Variants in ZNF251 observed in about 807,000 individuals in gnomAD.
The protein encoded by ZNF251 is zinc finger protein 251.
A neutral mutation model predicts 13.5 loss-of-function variants in ZNF251; 14 were observed. That is an observed-to-expected ratio of 1.04 (90% CI 0.69 to 1.63). The LOEUF is 1.63. ZNF251 is among the 40% of genes most tolerant of loss of function. The pLI is 0.00. For missense variants in ZNF251, 764 were observed against 834.9 expected (o/e 0.92, Z 1.05); for synonymous variants, 287 against 295.2 (o/e 0.97, Z 0.28).
At chr8:144,742,766 T>C (rs545438144) in intron 4 of ZNF251, among the ~76,000 whole-genome samples, 4 of 152,296 alleles carry the variant, frequency 2.6e-5, no homozygotes, top group African/African-American at 9.6e-5. Context: ...TCATACAGTA[T>C]AGGTGTCCGT....
At chr8:144,730,135 A>G in intron 4 of ZNF251, 1 of 985,170 alleles carries the variant, frequency 1.0e-6, no homozygotes, top group Non-Finnish European at 1.2e-6. Flanking sequence ...AAGAGAACTC[A>G]GGAACCAAAC....
In ZNF251 at chr8:144,754,191, C is replaced by T. The variant is rs1166611976; in HGVS notation, c.163+1G>A. 1.2e-6 allele frequency: 2 copies of T among 1,612,422 alleles called. No homozygotes were observed. Among genetic ancestry groups the T allele is most frequent in the Admixed American group, 3.3e-5 (2 of 59,890 alleles). On this transcript the variant is annotated splice_donor_variant, in intron 3 of 4. Transcript: ENST00000292562. LOFTEE classifies it high-confidence loss of function. The stretch of plus-strand genomic sequence containing the variant: ...ACCAGGCCAAGTGCAGAGAGCCTCA[C>T]CCAGAGAGGCCACGTTCCCATAGTT...
chr8:144,737,092 C>G (rs375666592), intron 4 of ZNF251, among the ~76,000 whole-genome samples: 4 of 151,898 alleles, frequency 2.6e-5, no homozygotes, highest in Non-Finnish European at 4.4e-5. Flanking sequence ...GCGTGAGCCA[C>G]GGCACCCGGC....
intron 4 of ZNF251, among the ~76,000 whole-genome samples, chr8:144,725,650 G>T (rs1312839615): frequency 6.6e-6 from 1 of 152,002 alleles, no homozygotes; most frequent in Middle Eastern, 3.2e-3. Context: ...TTTCATTTCG[G>T]TTATTTGTTC....
At chr8:144,738,676 T>G in intron 4 of ZNF251, 1 of 985,396 alleles carries the variant, frequency 1.0e-6, no homozygotes, top group Non-Finnish European at 1.2e-6. Context: ...ACAGCACAGT[T>G]CTCTCGTTCA....
At chr8:144,728,586 C>T (rs1823589587) in intron 4 of ZNF251, among the ~76,000 whole-genome samples, 1 of 149,766 alleles carries the variant, frequency 6.7e-6, no homozygotes, top group Admixed American at 6.7e-5. Flanking sequence ...TAGCATGAAC[C>T]CGGGAGGCGG....
intron 4 of ZNF251, among the ~76,000 whole-genome samples, chr8:144,740,081 T>C (rs943820496): frequency 4.7e-4 from 71 of 150,826 alleles, no homozygotes; most frequent in African/African-American, 1.6e-3. Context: ...AGGTCCGGAG[T>C]TCGAGACCAG....
chr8:144,735,672 C>T (rs1157810822), intron 4 of ZNF251, among the ~76,000 whole-genome samples: 2 of 152,134 alleles, frequency 1.3e-5, no homozygotes, highest in East Asian at 1.9e-4. Context: ...CAAGGTGTGG[C>T]CCAGACTCAA....
rs1824817147 is a variant in ZNF251 at position 144,753,783 on chromosome 8, A to C, written c.177T>G (p.Pro59=). The change falls in exon 4 of 5, where the codon CCT becomes CCG. Residue 59 remains proline (P), a synonymous_variant. Coordinates refer to ENST00000292562, the MANE Select transcript of ZNF251 (RefSeq NM_138367.2). ...GNVASLGFPV[P]KPELISQLEQ... The stretch of plus-strand genomic sequence containing the variant: ...CCAGCTGGGAGATCAACTCCGGCTT[A>C]GGGACAGGGAATCCTGTTGAGGATG... The C allele has an allele frequency of 6.3e-7, 1 of 1,579,520 alleles. No individual in the cohort carries two copies. Among genetic ancestry groups the C allele is most frequent in the Admixed American group, 1.8e-5 (1 of 55,138 alleles).
chr8:144,731,257 A>C (rs550117089), intron 4 of ZNF251, among the ~76,000 whole-genome samples: 2 of 152,280 alleles, frequency 1.3e-5, no homozygotes, highest in African/African-American at 4.8e-5. Flanking sequence ...AATGACCACA[A>C]ACAGTGGCTA....
chr8:144,737,544 C>T (rs947388499), intron 4 of ZNF251, among the ~76,000 whole-genome samples: 5 of 150,900 alleles, frequency 3.3e-5, no homozygotes, highest in Admixed American at 2.0e-4. Context: ...AAACCAGCTA[C>T]GAGGCTGGGC....
intron 4 of ZNF251, among the ~76,000 whole-genome samples, chr8:144,726,171 T>C (rs919816136): frequency 3.4e-4 from 42 of 122,340 alleles, no homozygotes; most frequent in African/African-American, 1.3e-3. Context: ...CACTCCAGCC[T>C]GGGCGACAGC....
At chr8:144,736,709 C>A (rs1163308530) in intron 4 of ZNF251, among the ~76,000 whole-genome samples, 2 of 151,902 alleles carry the variant, frequency 1.3e-5, no homozygotes, top group Non-Finnish European at 2.9e-5. Context: ...TCAGGCTGGT[C>A]TTGAACTCCC....
Position 144,735,730 on chromosome 8 carries a change from G to T in ZNF251, c.278-12348C>A, listed in dbSNP as rs548213352. Among the ~76,000 whole-genome samples, 4 of 152,284 alleles carry T rather than the reference G, an allele frequency of 2.6e-5. No individual in the cohort carries two copies. The East Asian group carries it at 7.7e-4, about 29-fold the overall frequency. On this transcript the variant is annotated intron_variant, in intron 4 of 4. Coordinates refer to ENST00000292562, the MANE Select transcript of ZNF251 (RefSeq NM_138367.2). ...CCAGAGCTCACTGTAGAGTGGCCCT[G>T]GAGACCACACCCACCTCCTGCTAAG...
intron 4 of ZNF251, among the ~76,000 whole-genome samples, chr8:144,728,460 G>A (rs1447484637): frequency 1.3e-5 from 2 of 151,968 alleles, no homozygotes; most frequent in East Asian, 1.9e-4. Flanking sequence ...TCAGGAGATC[G>A]AGACCATCCT....
chr8:144,744,023 T>A (rs1586700839), intron 4 of ZNF251, among the ~76,000 whole-genome samples: 1 of 145,654 alleles, frequency 6.9e-6, no homozygotes, highest in East Asian at 1.9e-4. Context: ...TTTTTTTTTT[T>A]TTTTTTTGGA....
chr8:144,754,686 G>A lies in ZNF251; in HGVS notation c.33+10C>T, dbSNP rs150490642. On this transcript the variant is annotated intron_variant, in intron 2 of 4. Transcript: ENST00000292562. ...GATGAAGAGGTGGGCAGGAAGGAGG[G>A]TTAACTCACCTGGTGCCCTGGAAGC... 2.7e-4 allele frequency: 440 copies of A among 1,607,284 alleles called. 2 individuals carry two copies. In the East Asian group the frequency reaches 9.3e-3, roughly 34 times the overall value.
intron 4 of ZNF251, among the ~76,000 whole-genome samples, chr8:144,735,643 C>A (rs932552150): frequency 1.3e-5 from 2 of 152,234 alleles, no homozygotes; most frequent in South Asian, 2.1e-4. Context: ...GCACTCGGAG[C>A]CTCCGTGCCG....
intron 4 of ZNF251, among the ~76,000 whole-genome samples, chr8:144,729,344 T>A (rs1299919396): frequency 1.4e-5 from 2 of 143,392 alleles, no homozygotes; most frequent in African/African-American, 2.9e-5. Flanking sequence ...TATTTTTTTT[T>A]TTTTTTTTGT....
Sources: gnomAD v4.1 joint callset for allele counts (sites outside exome capture counted in the v4.1 genomes callset) on GRCh38, gnomAD v4.1.1 for gene constraint, MANE v1.5 for transcripts, NCBI Gene and HGNC (gene_info 2026-07-23, HGNC 2026-07-21) for gene names.